L3MBTL2: variants seen among roughly 807,000 people sequenced by gnomAD.
L3MBTL2 encodes the protein L3MBTL histone methyl-lysine binding protein 2, also known as lethal(3)malignant brain tumor-like protein 2.
A neutral mutation model predicts 86.4 loss-of-function variants in L3MBTL2; 49 were observed. The observed-to-expected ratio is 0.57, with a 90% CI of 0.45 to 0.72. The LOEUF (loss-of-function observed/expected upper bound fraction) is 0.72, where lower values mean the gene tolerates loss of function less well. Ranked by LOEUF, L3MBTL2 falls within the 30% of genes least tolerant of loss-of-function variation. The probability of loss-of-function intolerance (pLI) is 0.00; values close to 1 mark genes in which losing one functional copy is unlikely to be tolerated. For synonymous variants in L3MBTL2, 336 were observed against 350.6 expected, an observed-to-expected ratio of 0.96 and a Z score of 0.47; for missense variants, 755 against 923.7, an observed-to-expected ratio of 0.82 and a Z score of 2.37.
At chr22:41,215,198 G>A (rs1268793768) in intron 3 of L3MBTL2, among the ~76,000 whole-genome samples, 1 of 152,106 alleles carries the variant, frequency 6.6e-6, no homozygotes, top group African/African-American at 2.4e-5. Flanking sequence ...GCCTTTGTGA[G>A]ACAATTACCA....
In L3MBTL2 at chr22:41,220,867, G is replaced by A; in HGVS notation, c.852G>A (p.Arg284=). 1 of 1,612,816 alleles carries A rather than the reference G, an allele frequency of 6.2e-7. No homozygotes were observed. Among genetic ancestry groups the A allele is most frequent in the African/African-American group, 1.3e-5 (1 of 75,014 alleles). The change falls in exon 7 of 17, where the codon CGG becomes CGA. Residue 284 remains arginine, a splice_region_variant and synonymous_variant. Transcript: ENST00000216237. ...ACAGCAAGATCCTAGTGCCCCCACG[G>A]AGTGAGTTGATGAGAACATTTCCTC... ...AINSKILVPP[R]TIHAKFTDWK... is the part of the protein sequence containing the mutation.
chr22:41,221,475 C>A, intron 8 of L3MBTL2, 188 bp downstream of exon 8: 1 of 599,130 alleles, frequency 1.7e-6, no homozygotes. Flanking sequence ...AGCCTGGCGT[C>A]GGCCACTGCC....
intron 8 of L3MBTL2, among the ~76,000 whole-genome samples, chr22:41,222,030 T>G (rs901470068): frequency 1.3e-5 from 2 of 152,082 alleles, no homozygotes; most frequent in Admixed American, 6.6e-5. Context: ...TCCCGAGTAG[T>G]TGGGATTACA....
At chr22:41,219,742 T>A (rs1404378251) in intron 6 of L3MBTL2, among the ~76,000 whole-genome samples, 1 of 152,128 alleles carries the variant, frequency 6.6e-6, no homozygotes, top group Non-Finnish European at 1.5e-5. Context: ...TTGTTTGTTT[T>A]TGTTATTTTG....
chr22:41,217,179 G>A lies in L3MBTL2; in HGVS notation c.577G>A (p.Ala193Thr), dbSNP rs2031452496. The A allele has an allele frequency of 6.2e-7, 1 of 1,613,562 alleles. No individual in the cohort carries two copies. ...CCTGAAGGATCACAGTTACAAGGCT[G>A]CTCCCGTCAGCTGTTTCAAGCACGT... ...KFLKDHSYKA[A>T]PVSCFKHVPL... is the part of the protein sequence containing the mutation. The change falls in exon 5 of 17, where the codon GCT becomes ACT. Residue 193 changes from alanine to threonine, a missense_variant. By Grantham distance (58) the Ala-to-Thr change is moderately conservative. This residue lies in a region of L3MBTL2 where 634 missense variants were observed against 748.9 expected (regional missense o/e 0.85). Transcript: ENST00000216237.
intron 5 of L3MBTL2, 47 bp downstream of exon 5, chr22:41,217,249 G>C (rs1406247782): frequency 5.5e-6 from 8 of 1,455,092 alleles, no homozygotes; most frequent in Admixed American, 1.7e-5. Context: ...GCCGGGCCTG[G>C]AGCTGCTCCT....
chr22:41,230,079 G>GTC, intron 16 of L3MBTL2, 60 bp from the exon 17 acceptor site: 2 of 532,754 alleles, frequency 3.8e-6, no homozygotes, highest in Non-Finnish European at 5.9e-6. Flanking sequence ...CAGCTCCTCC[G>GTC]CCCCCACCCC....
chr22:41,229,805 G>T, intron 16 of L3MBTL2, 149 bp downstream of exon 16: 1 of 1,355,988 alleles, frequency 7.4e-7, no homozygotes, highest in Non-Finnish European at 1.0e-6. Context: ...ACTGGACCCA[G>T]GGTGTTTCCC....
At chr22:41,216,861 G>A in intron 4 of L3MBTL2, among the ~76,000 whole-genome samples, 1 of 152,240 alleles carries the variant, frequency 6.6e-6, no homozygotes, top group East Asian at 1.9e-4. Context: ...TTTGGGGGAA[G>A]AAGGGCGAGA....
chr22:41,227,812 A>AC lies in L3MBTL2; in HGVS notation c.1832dup (p.Pro612ThrfsTer26). 1 of 1,613,562 alleles carries AC rather than the reference A, an allele frequency of 6.2e-7. No individual in the cohort carries two copies. Among genetic ancestry groups the AC allele is most frequent in the Non-Finnish European group, 8.5e-7 (1 of 1,179,754 alleles). On this transcript the variant is annotated frameshift_variant, in exon 15 of 17. Coordinates refer to ENST00000216237, the MANE Select transcript of L3MBTL2 (RefSeq NM_031488.5). LOFTEE classifies it high-confidence loss of function. The surrounding 1 kb of genome is among the most constrained non-coding windows in gnomAD (Gnocchi z 6.0). ...TTGTCTTTCAACAACAGAACCGGCCACACCGCTGAAGGCCAAAGAGGCCAC... is the reference window on the plus strand; with the variant it reads ...TTGTCTTTCAACAACAGAACCGGCCACCACCGCTGAAGGCCAAAGAGGCCAC...
rs1278200234 is a variant in L3MBTL2, at chr22:41,205,360, C to T, written c.-3C>T. 4 of 1,614,040 alleles carry T rather than the reference C, an allele frequency of 2.5e-6. No homozygotes were observed. In the African/African-American group the frequency reaches 4.0e-5, roughly 16 times the overall value. On this transcript the variant is annotated 5_prime_UTR_variant, in exon 1 of 17. Transcript: ENST00000216237. ...TGGTGACGCTTGGCGAAACTGAGGT[C>T]TCATGGAGAAGCCCCGGAGTATTGA...
intron 16 of L3MBTL2, 50 bp from the exon 17 acceptor site, chr22:41,230,089 C>CCCCCCCCCCTATTT: frequency 1.1e-6 from 1 of 873,242 alleles, no homozygotes; most frequent in Non-Finnish European, 1.8e-6. Flanking sequence ...GCCCCCACCC[C>CCCCCCCCCCTATTT]TCCCAGAGTT....
rs2032070221 is a variant in L3MBTL2 at position 41,224,805 on chromosome 22, A to C, written c.1251+4A>C. 4 of 1,612,696 alleles carry C rather than the reference A, an allele frequency of 2.5e-6. No homozygotes were observed. The highest frequency in any genetic ancestry group is 3.3e-4 in the Middle Eastern group (2 of 6,056). The stretch of plus-strand genomic sequence containing the variant: ...CGTTCCTTACCTCTTCAAGAAGGTG[A>C]GGTTCAGCTCTTGGGCGCTTTTCCC... On this transcript the variant is annotated splice_donor_region_variant and intron_variant, in intron 10 of 16. Transcript: ENST00000216237. The surrounding 1 kb of genome is among the most constrained non-coding windows in gnomAD (Gnocchi z 4.9).
intron 2 of L3MBTL2, among the ~76,000 whole-genome samples, chr22:41,211,702 GCC>G (rs2030839471): frequency 6.8e-6 from 1 of 147,424 alleles, no homozygotes; most frequent in African/African-American, 2.5e-5. Context: ...GACTACAGGC[GCC>G]TGCCACCACA....
At chr22:41,217,678 GCGCAAGAACCGAA>G (rs2031495661) in intron 5 of L3MBTL2, 1 of 161,448 alleles carries the variant, frequency 6.2e-6, no homozygotes. Context: ...CGGGGCTTGA[GCGCAAGAACCGAA>G]TATCCAGCAG....
At chr22:41,229,832 G>T in intron 16 of L3MBTL2, 176 bp downstream of exon 16, 1 of 1,087,356 alleles carries the variant, frequency 9.2e-7, no homozygotes, top group Non-Finnish European at 1.4e-6. Flanking sequence ...GCCCCCAACT[G>T]TGAATGGAGC....
In L3MBTL2 at chr22:41,224,585, T is replaced by TG. The variant is rs969094781; in HGVS notation, c.1175-134dup. On this transcript the variant is annotated intron_variant, in intron 9 of 16. Transcript: ENST00000216237. The surrounding 1 kb of genome is among the most constrained non-coding windows in gnomAD (Gnocchi z 4.9). ...AACCTTTCTGTCTGCTACTCTGGGG[T>TG]GGGGGGTCCTGAGATACAGAGATAC... 1.1e-5 allele frequency: 7 copies of TG among 657,428 alleles called. No individual in the cohort carries two copies. Among genetic ancestry groups the TG allele is most frequent in the African/African-American group, 9.0e-5 (5 of 55,428 alleles). The allele number at this position is 657,428 out of a possible 1,614,324, so 40.7% of individuals were successfully genotyped here. A position where few individuals can be genotyped will look rare whatever the true frequency, so the allele number is the denominator to read the frequency against.
chr22:41,207,735 G>A (rs1013363995), intron 1 of L3MBTL2, among the ~76,000 whole-genome samples: 1 of 151,924 alleles, frequency 6.6e-6, no homozygotes, highest in Non-Finnish European at 1.5e-5. Context: ...GTGCAATGGT[G>A]TGATCATGAT....
Position 41,213,888 on chromosome 22 carries a change from C to G in L3MBTL2, c.263-5C>G, listed in dbSNP as rs780618059. 3 of 1,613,964 alleles carry G rather than the reference C, an allele frequency of 1.9e-6. No individual in the cohort carries two copies. Among genetic ancestry groups the G allele is most frequent in the Non-Finnish European group, 2.5e-6 (3 of 1,179,990 alleles). On this transcript the variant is annotated splice_polypyrimidine_tract_variant and splice_region_variant and intron_variant, in intron 2 of 16. Coordinates refer to ENST00000216237, the MANE Select transcript of L3MBTL2 (RefSeq NM_031488.5). ...GGTGAGTCATGTGCTAAGTTCTCTT[C>G]CCAGCTGTCTGTGAGATGTGTGGTA...
Sources: allele counts gnomAD v4.1 joint callset (sites outside exome capture counted in the v4.1 genomes callset), GRCh38; gene constraint gnomAD v4.1.1; regional missense constraint gnomAD v4.1.1; non-coding constraint Gnocchi (gnomAD v3.1); transcripts MANE v1.5; gene names NCBI Gene and HGNC (gene_info 2026-07-23, HGNC 2026-07-21).